The following OPCML variants were observed in gnomAD, a reference collection of about 807,000 sequenced individuals.
The protein encoded by OPCML is opioid binding protein/cell adhesion molecule like, also known as opioid-binding protein/cell adhesion molecule.
Under a neutral mutation model 37.8 loss-of-function variants are expected in OPCML, and 13 were observed. The observed-to-expected ratio is 0.34, with a 90% confidence interval of 0.22 to 0.55. The LOEUF (loss-of-function observed/expected upper bound fraction) is 0.55. Among genes scored for constraint, OPCML ranks in the 20% least tolerant of loss-of-function variants. The pLI, the probability that OPCML is intolerant of heterozygous loss-of-function variation, is 0.91. For missense variants in OPCML, 341 were observed against 435.6 expected (o/e 0.78, Z 1.93); for synonymous variants, 176 against 168.8 (o/e 1.04, Z -0.33).
At chr11:133,158,717 T>A (rs201889840) in intron 1 of OPCML, among the ~76,000 whole-genome samples, 15 of 132,066 alleles carry the variant, frequency 1.1e-4, no homozygotes, top group Admixed American at 4.4e-4. Context: ...ATTAAAAAAA[T>A]AAAATAAAAT....
chr11:133,022,133 A>G (rs1397773535), intron 1 of OPCML, among the ~76,000 whole-genome samples: 5 of 152,168 alleles, frequency 3.3e-5, no homozygotes, highest in Admixed American at 1.3e-4. Flanking sequence ...TTATGAGTGA[A>G]GGGGCTGGCA....
chr11:132,688,806 C>A lies in OPCML; in HGVS notation c.147-31487G>T, dbSNP rs1374776290. On this transcript the variant is annotated intron_variant, in intron 2 of 7. Coordinates refer to ENST00000524381, the MANE Select transcript of OPCML (RefSeq NM_001012393.5). The stretch of plus-strand genomic sequence containing the variant: ...AAAAAAAAAAATACAAAAAATTAGC[C>A]GGGCGCGGTGGCGGGCGCCTGTAGT... Among the ~76,000 whole-genome samples the A allele has an allele frequency of 4.3e-5, 4 of 93,736 alleles. 1 individual carries two copies. Among genetic ancestry groups the A allele is most frequent in the African/African-American group, 1.8e-4 (4 of 22,800 alleles). 61.5% of individuals were successfully genotyped at this position (93,736 alleles called of 152,430 possible).
intron 4 of OPCML, among the ~76,000 whole-genome samples, chr11:132,444,744 C>G (rs1007545842): frequency 5.3e-5 from 8 of 152,128 alleles, no homozygotes; most frequent in Non-Finnish European, 1.2e-4. Flanking sequence ...CCGCCCCAAC[C>G]TCCAATCCTT....
At chr11:133,415,590 A>T (rs953040581) in intron 1 of OPCML, among the ~76,000 whole-genome samples, 5 of 152,172 alleles carry the variant, frequency 3.3e-5, no homozygotes, top group African/African-American at 1.2e-4. Context: ...ATCCATGATC[A>T]GCAGAACAAT....
intron 2 of OPCML, among the ~76,000 whole-genome samples, chr11:132,746,015 C>T (rs1276512528): frequency 6.6e-6 from 1 of 152,176 alleles, no homozygotes; most frequent in Non-Finnish European, 1.5e-5. Flanking sequence ...GCTGGACAGG[C>T]CCAGCAGGGC....
intron 4 of OPCML, among the ~76,000 whole-genome samples, chr11:132,482,622 G>T (rs2096184976): frequency 6.6e-6 from 1 of 152,104 alleles, no homozygotes; most frequent in Non-Finnish European, 1.5e-5. Flanking sequence ...AACCAAAAAA[G>T]AGAATTTTAG....
chr11:132,712,427 T>C (rs542651416), intron 2 of OPCML, among the ~76,000 whole-genome samples: 46 of 152,246 alleles, frequency 3.0e-4, no homozygotes, highest in South Asian at 2.1e-3. Flanking sequence ...TGGAATTGTC[T>C]GTATTTATTT....
chr11:132,845,742 G>A (rs987914996), intron 2 of OPCML, among the ~76,000 whole-genome samples: 32 of 152,302 alleles, frequency 2.1e-4, no homozygotes, highest in East Asian at 7.7e-4. Context: ...CACTATTAGA[G>A]ACATTGAAAG....
intron 1 of OPCML, among the ~76,000 whole-genome samples, chr11:132,999,970 A>G (rs1053582065): frequency 5.9e-5 from 9 of 152,204 alleles, no homozygotes; most frequent in African/African-American, 1.9e-4. Flanking sequence ...CTGGAAACCC[A>G]TCTTTCCTGT....
At chr11:133,467,596 A>G (rs1947005334) in intron 1 of OPCML, among the ~76,000 whole-genome samples, 1 of 152,196 alleles carries the variant, frequency 6.6e-6, no homozygotes, top group African/African-American at 2.4e-5. Context: ...AGTAAGAATT[A>G]TTGAGTACCT....
At chr11:133,076,088 A>AT (rs1948616846) in intron 1 of OPCML, among the ~76,000 whole-genome samples, 1 of 152,044 alleles carries the variant, frequency 6.6e-6, no homozygotes, top group African/African-American at 2.4e-5. Context: ...TTGGTTTGTT[A>AT]TTTTTTATAT....
At chr11:133,493,118 A>G (rs985936449) in intron 1 of OPCML, among the ~76,000 whole-genome samples, 4 of 152,206 alleles carry the variant, frequency 2.6e-5, no homozygotes, top group Admixed American at 2.6e-4. Flanking sequence ...AGTGATGACA[A>G]GCGCAGGATT....
At chr11:133,530,328 GC>G (rs1948579330) in intron 1 of OPCML, among the ~76,000 whole-genome samples, 1 of 152,238 alleles carries the variant, frequency 6.6e-6, no homozygotes, top group Non-Finnish European at 1.5e-5. Context: ...GCAGACTGGG[GC>G]TCACCCCCCG....
chr11:132,629,916 A>T (rs1038768983), intron 3 of OPCML, among the ~76,000 whole-genome samples: 1 of 152,254 alleles, frequency 6.6e-6, no homozygotes, highest in African/African-American at 2.4e-5. Flanking sequence ...AGATGTAAAA[A>T]TTGTTAACCT....
intron 1 of OPCML, among the ~76,000 whole-genome samples, chr11:133,234,215 T>C (rs1055769030): frequency 1.3e-5 from 2 of 151,988 alleles, no homozygotes; most frequent in Admixed American, 1.3e-4. Flanking sequence ...TTTGTTTTGT[T>C]TTCTAAAAAA....
rs535677910 is a variant in OPCML, at chr11:133,462,037, T to C, written c.61+70227A>G. On this transcript the variant is annotated intron_variant, in intron 1 of 7. Transcript: ENST00000524381. ...TGACCATTTAATGAAGAAAATATAG[T>C]CTTTTCAATAAAAAGTTTGAGAAAA... Among the ~76,000 whole-genome samples the C allele has an allele frequency of 1.9e-3, 292 of 152,030 alleles. 1 individual carries two copies. Among genetic ancestry groups the C allele is most frequent in the African/African-American group, 6.8e-3 (283 of 41,536 alleles).
intron 1 of OPCML, among the ~76,000 whole-genome samples, chr11:133,492,421 G>C (rs1244148258): frequency 6.6e-6 from 1 of 151,920 alleles, no homozygotes; most frequent in Non-Finnish European, 1.5e-5. Context: ...TTCTACCCTT[G>C]ATAACAGCCT....
intron 1 of OPCML, chr11:133,004,360 A>G: frequency 1.0e-6 from 1 of 985,418 alleles, no homozygotes. Flanking sequence ...TTGATGTTTT[A>G]TTAATGGTTC....
intron 2 of OPCML, among the ~76,000 whole-genome samples, chr11:132,789,918 A>G (rs1591613541): frequency 6.6e-6 from 1 of 152,320 alleles, no homozygotes; most frequent in East Asian, 1.9e-4. Context: ...ATTGAACCAC[A>G]GCAGCTGTAT....
Sources: gnomAD v4.1 joint callset for allele counts (sites outside exome capture counted in the v4.1 genomes callset) on GRCh38, gnomAD v4.1.1 for gene constraint, MANE v1.5 for transcripts, NCBI Gene and HGNC (gene_info 2026-07-23, HGNC 2026-07-21) for gene names.